LINC00632: variants seen among roughly 807,000 people sequenced by gnomAD.
The protein encoded by LINC00632 is ALDOA related specific transcript.
chrX:140,783,361 AAGTCTTCCAGCAAATCC>A (rs1211947371), exon 5 of LINC00632: 18 of 427,436 alleles, frequency 4.2e-5, no homozygotes, highest in Non-Finnish European at 6.1e-5. Flanking sequence ...CCAGTAAATC[AAGTCTTCCAGCAAATCC>A]AGTCTTCCAG....
exon 5 of LINC00632, among the ~76,000 whole-genome samples, chrX:140,782,030 G>T (rs1931941597): frequency 8.9e-6 from 1 of 112,116 alleles, no homozygotes; most frequent in Admixed American, 9.5e-5. Flanking sequence ...AGTTCATTGA[G>T]ACTATGAAGA....
chrX:140,721,142 C>G (rs2148378544), intron 2 of LINC00632, among the ~76,000 whole-genome samples: 1 of 112,049 alleles, frequency 8.9e-6, no homozygotes, highest in South Asian at 3.8e-4. Flanking sequence ...GTTTGCTTGT[C>G]TCCACAACAC....
chrX:140,788,669 A>G (rs1032547288), exon 5 of LINC00632, among the ~76,000 whole-genome samples: 19 of 108,947 alleles, frequency 1.7e-4, no homozygotes, highest in Non-Finnish European at 3.1e-4. Context: ...TGTTGAAAAT[A>G]CATAACAGGG....
At chrX:140,763,144 C>T (rs1393285509) in intron 3 of LINC00632, among the ~76,000 whole-genome samples, 1 of 111,538 alleles carries the variant, frequency 9.0e-6, no homozygotes, top group African/African-American at 3.3e-5. Flanking sequence ...GCCTGTAATC[C>T]CAGCATTTTG....
At chrX:140,722,198 A>G (rs1018079048) in intron 2 of LINC00632, among the ~76,000 whole-genome samples, 1 of 110,812 alleles carries the variant, frequency 9.0e-6, no homozygotes, top group African/African-American at 3.3e-5. Context: ...CAGGACCTAG[A>G]CTGGCCCGAT....
At chrX:140,762,234 A>AGGGAGAGAGG (rs374632602) in intron 3 of LINC00632, among the ~76,000 whole-genome samples, 6 of 105,895 alleles carry the variant, frequency 5.7e-5, no homozygotes, top group Admixed American at 2.1e-4. Context: ...AGAGAGAGAG[A>AGGGAGAGAGG]GAGAGAGAGC....
chrX:140,729,416 C>T (rs944208610), intron 2 of LINC00632, among the ~76,000 whole-genome samples: 36 of 110,905 alleles, frequency 3.2e-4, no homozygotes, highest in African/African-American at 1.1e-3. Context: ...TTTCCTGTAA[C>T]GCAGAGACAC....
At chrX:140,737,055 A>G (rs1931156734) in intron 3 of LINC00632, among the ~76,000 whole-genome samples, 3 of 106,989 alleles carry the variant, frequency 2.8e-5, no homozygotes, top group South Asian at 8.6e-4. Context: ...GCGAGCCGCG[A>G]CACCTGGTTA....
At chrX:140,750,165 AG>A (rs1479413988) in intron 3 of LINC00632, among the ~76,000 whole-genome samples, 3 of 111,375 alleles carry the variant, frequency 2.7e-5, no homozygotes, top group Admixed American at 9.6e-5. Context: ...AAAATAAGCC[AG>A]ACATAGAAGA....
At chrX:140,724,231 CACACAGACACATTCCATACACAT>C (rs1251989985) in intron 2 of LINC00632, among the ~76,000 whole-genome samples, 5 of 66,334 alleles carry the variant, frequency 7.5e-5, no homozygotes, top group African/African-American at 1.1e-4. Flanking sequence ...ATTCCATACA[CACACAGACACATTCCATACACAT>C]ACACAGACAC....
At chrX:140,772,448 G>A (rs138208873) in exon 4 of LINC00632, 3 of 293,054 alleles carry the variant, frequency 1.0e-5, no homozygotes, top group Non-Finnish European at 1.8e-5. Flanking sequence ...TATACAACTT[G>A]CAGTCATTGT....
At chrX:140,761,968 C>T (rs148376938) in intron 3 of LINC00632, among the ~76,000 whole-genome samples, 1,254 of 111,240 alleles carry the variant, frequency 0.011, 15 homozygotes, top group Non-Finnish European at 0.018. Flanking sequence ...ACGTTTGGTT[C>T]GAGCCCACCT....
chrX:140,714,610 G>A (rs775101129), intron 2 of LINC00632: 14 of 110,828 alleles, frequency 1.3e-4, no homozygotes, highest in African/African-American at 3.9e-4. Flanking sequence ...ATCACCTGAC[G>A]TTGGGAGTTC....
intron 3 of LINC00632, among the ~76,000 whole-genome samples, chrX:140,769,871 G>C (rs921482296): frequency 9.0e-6 from 1 of 111,560 alleles, no homozygotes; most frequent in African/African-American, 3.3e-5. Flanking sequence ...CTCCTTTTGA[G>C]AGCATTGCAT....
chrX:140,744,570 G>C (rs1280857331), intron 3 of LINC00632, among the ~76,000 whole-genome samples: 4 of 51,358 alleles, frequency 7.8e-5, no homozygotes, highest in Admixed American at 2.7e-4. Context: ...TTTTTTTTGG[G>C]GGGGGGGGTG....
intron 3 of LINC00632, among the ~76,000 whole-genome samples, chrX:140,750,837 T>C (rs1310655691): frequency 9.0e-6 from 1 of 111,316 alleles, no homozygotes; most frequent in Non-Finnish European, 1.9e-5. Flanking sequence ...TGCATCCTCA[T>C]AGCTCAGCTC....
At position 140,725,015 on chromosome X, in the gene LINC00632, T is replaced by TAC. The variant is rs1358225306; in HGVS notation, n.105-8853_105-8852dup. ...GACACATTCCACACACACACATTCA[T>TAC]ACACACACACATTCCATACACACAC... On this transcript the variant is annotated intron_variant and non_coding_transcript_variant, in intron 2 of 4. Transcript: ENST00000648200. Among the ~76,000 whole-genome samples, 3 of 3,345 alleles carry TAC rather than the reference T, an allele frequency of 9.0e-4. No homozygotes were observed. The Admixed American group carries it at 0.012, about 13-fold the overall frequency. The allele number at this position is 3,345 out of a possible 115,157, so 2.9% of individuals were successfully genotyped here.
chrX:140,790,587 A>T (rs1932093959), exon 5 of LINC00632, among the ~76,000 whole-genome samples: 1 of 111,023 alleles, frequency 9.0e-6, no homozygotes, highest in African/African-American at 3.3e-5. Flanking sequence ...AATGCCCATA[A>T]AAAATTAATC....
chrX:140,782,067 G>T (rs1242038144), exon 5 of LINC00632, among the ~76,000 whole-genome samples: 1 of 111,893 alleles, frequency 8.9e-6, no homozygotes, highest in Non-Finnish European at 1.9e-5. Context: ...CAAACTATTT[G>T]CTTTTTCTTG....
Sources: gnomAD v4.1 joint callset for allele counts (sites outside exome capture counted in the v4.1 genomes callset) on GRCh38, gnomAD v4.1.1 for gene constraint, MANE v1.5 for transcripts, NCBI Gene and HGNC (gene_info 2026-07-23, HGNC 2026-07-21) for gene names.